The following FGFR2 variants were observed in gnomAD, a reference collection of about 807,000 sequenced individuals.
FGFR2 encodes the protein fibroblast growth factor receptor 2.
In FGFR2, 19 loss-of-function variants were observed where a neutral mutation model predicts 95.9. That is an observed-to-expected ratio of 0.20 (90% CI 0.14 to 0.29). The LOEUF (loss-of-function observed/expected upper bound fraction) is 0.29, where lower values mean the gene tolerates loss of function less well. FGFR2 is among the 10% of genes least tolerant of loss of function. The pLI is 1.00. For synonymous variants in FGFR2, 392 were observed against 393.3 expected, an observed-to-expected ratio of 1.00 and a Z score of 0.04; for missense variants, 707 against 1,056.9, an observed-to-expected ratio of 0.67 and a Z score of 4.59.
intron 6 of FGFR2, among the ~76,000 whole-genome samples, chr10:121,529,297 A>G (rs1367964724): frequency 1.3e-5 from 2 of 151,922 alleles, no homozygotes; most frequent in Non-Finnish European, 1.5e-5. Context: ...TTTAGTAGAG[A>G]TGGGTTTTTA....
chr10:121,597,880 G>A, intron 1 of FGFR2, 82 bp downstream of exon 1: 1 of 386,270 alleles, frequency 2.6e-6, no homozygotes, highest in Non-Finnish European at 4.6e-6. Flanking sequence ...CCCGGAGGAC[G>A]GTGCACCCGG....
At chr10:121,546,084 G>T (rs573696336) in intron 5 of FGFR2, among the ~76,000 whole-genome samples, 102 of 151,264 alleles carry the variant, frequency 6.7e-4, no homozygotes, top group Admixed American at 1.6e-3. Context: ...AATTGAGGTG[G>T]TCTATTAATT....
At position 121,551,450 on chromosome 10, in the gene FGFR2, T is replaced by C. The variant is rs1429393695; in HGVS notation, c.464A>G (p.Tyr155Cys). ...TTCCATCTTTTCTGTGTTGGTCCAG[T>C]ATGGTGCTCCTGTTTTGGAAAACAG... ...SENSNNKRAPYWTNTEKMEKR... is the reference protein window; with the variant it reads ...SENSNNKRAPCWTNTEKMEKR... The change falls in exon 5 of 18, where the codon TAC becomes TGC. Residue 155 changes from tyrosine (Y) to cysteine (C), a missense_variant. Transcript: ENST00000358487. 6.2e-7 allele frequency: 1 copy of C among 1,614,068 alleles called. No individual in the cohort carries two copies. The highest frequency in any genetic ancestry group is 1.7e-5 in the Admixed American group (1 of 60,006).
At chr10:121,516,900 T>C (rs979811864) in intron 8 of FGFR2, among the ~76,000 whole-genome samples, 5 of 152,214 alleles carry the variant, frequency 3.3e-5, no homozygotes, top group South Asian at 4.1e-4. Flanking sequence ...TCCCTCTATT[T>C]ACATCTCGTT....
chr10:121,482,764 G>A (rs1172976734), intron 17 of FGFR2, among the ~76,000 whole-genome samples: 1 of 152,204 alleles, frequency 6.6e-6, no homozygotes, highest in Non-Finnish European at 1.5e-5. Flanking sequence ...GTGAGTGACA[G>A]ACGAGTGTTT....
chr10:121,552,404 T>G (rs1488720878), intron 4 of FGFR2, among the ~76,000 whole-genome samples: 1 of 152,208 alleles, frequency 6.6e-6, no homozygotes, highest in East Asian at 1.9e-4. Context: ...GTCAACACAT[T>G]AATCTTCACA....
rs760033024 is a variant in FGFR2, at chr10:121,483,693, C to G, written c.2301+5G>C. On this transcript the variant is annotated splice_donor_5th_base_variant and intron_variant, in intron 17 of 17. Transcript: ENST00000358487. Reference sequence around the variant, plus strand: ...GACAAGGGGCTTCTAGAAGGAAGTTCTTACCTCATTGGTTGTGAGAGTGAG... The same window carrying G: ...GACAAGGGGCTTCTAGAAGGAAGTTGTTACCTCATTGGTTGTGAGAGTGAG... The G allele has an allele frequency of 2.5e-6, 4 of 1,610,724 alleles. No homozygotes were observed. Among genetic ancestry groups the G allele is most frequent in the South Asian group, 2.2e-5 (2 of 90,648 alleles).
At chr10:121,505,920 T>C (rs922254421) in intron 9 of FGFR2, among the ~76,000 whole-genome samples, 2 of 152,158 alleles carry the variant, frequency 1.3e-5, no homozygotes, top group African/African-American at 2.4e-5. Context: ...GGCCGTGTGC[T>C]GTGGATGCTT....
chr10:121,482,969 G>A (rs1844948971), intron 17 of FGFR2, among the ~76,000 whole-genome samples: 1 of 152,074 alleles, frequency 6.6e-6, no homozygotes, highest in Non-Finnish European at 1.5e-5. Context: ...ACTAATTTTT[G>A]TATTTTTAGT....
rs2133792619 is a variant in FGFR2 at position 121,485,376 on chromosome 10, G to A, written c.2195+19C>T. Reference sequence around the variant, plus strand: ...GGCAAGTCCACTGGGGCACCGGCAGGAAAGACAACAGCCCTTACAGTTCGT... The same window carrying A: ...GGCAAGTCCACTGGGGCACCGGCAGAAAAGACAACAGCCCTTACAGTTCGT... On this transcript the variant is annotated intron_variant, in intron 16 of 17. Coordinates refer to ENST00000358487, the MANE Select transcript of FGFR2 (RefSeq NM_000141.5). The surrounding 1 kb of genome is among the most constrained non-coding windows in gnomAD (Gnocchi z 4.2). The A allele has an allele frequency of 6.2e-6, 10 of 1,614,038 alleles. No individual in the cohort carries two copies. The highest frequency in any genetic ancestry group is 5.9e-6 in the Non-Finnish European group (7 of 1,180,006).
intron 10 of FGFR2, among the ~76,000 whole-genome samples, chr10:121,502,019 T>G (rs1010013034): frequency 6.6e-6 from 1 of 152,326 alleles, no homozygotes; most frequent in Middle Eastern, 3.4e-3. Context: ...AAACACTGTT[T>G]TGAAATGTTT....
At chr10:121,597,880 G>T in intron 1 of FGFR2, 82 bp downstream of exon 1, 2 of 386,270 alleles carry the variant, frequency 5.2e-6, no homozygotes, top group Admixed American at 4.5e-5. Context: ...CCCGGAGGAC[G>T]GTGCACCCGG....
At chr10:121,530,732 T>G (rs775290340) in intron 6 of FGFR2, among the ~76,000 whole-genome samples, 12 of 152,224 alleles carry the variant, frequency 7.9e-5, no homozygotes, top group Non-Finnish European at 1.3e-4. Context: ...GAATTTGCAA[T>G]GTTAAGAACC....
intron 2 of FGFR2, among the ~76,000 whole-genome samples, chr10:121,587,933 A>T (rs1475995734): frequency 2.6e-5 from 4 of 152,224 alleles, no homozygotes; most frequent in African/African-American, 9.6e-5. Context: ...CCATAAAGAC[A>T]CATGCACACA....
At position 121,518,836 on chromosome 10, in the gene FGFR2, C is replaced by T. The variant is rs1242043784; in HGVS notation, c.939+1143G>A. The T allele has an allele frequency of 1.2e-6, 2 of 1,614,004 alleles. No homozygotes were observed. The highest frequency in any genetic ancestry group is 1.7e-5 in the Admixed American group (1 of 60,016). On this transcript the variant is annotated intron_variant, in intron 7 of 17. Transcript: ENST00000358487. This position sits in a 1 kb window ranked among gnomAD's most constrained non-coding sequence, Gnocchi z 4.0. ...AACTATTTATCCCCGAGTGCTAGAA[C>T]AGACACAGGAGAACAATATAACGGC... is the stretch of plus-strand genomic sequence containing the variant.
chr10:121,553,389 G>C (rs144632828), intron 4 of FGFR2, among the ~76,000 whole-genome samples: 103 of 152,260 alleles, frequency 6.8e-4, no homozygotes, highest in African/African-American at 2.3e-3. Context: ...GTTCACCAGG[G>C]AGTACTTGAT....
At chr10:121,488,393 T>C (rs1312153082) in intron 13 of FGFR2, among the ~76,000 whole-genome samples, 2 of 151,832 alleles carry the variant, frequency 1.3e-5, no homozygotes, top group East Asian at 3.9e-4. Context: ...CTACAAAAAT[T>C]AGCCGAGCGT....
At chr10:121,581,941 T>TTAA (rs1554861670) in intron 2 of FGFR2, among the ~76,000 whole-genome samples, 85 of 148,918 alleles carry the variant, frequency 5.7e-4, no homozygotes, top group African/African-American at 1.7e-3. Flanking sequence ...TGATTTTTTT[T>TTAA]TTTATTTTTG....
At chr10:121,583,613 T>C (rs1861292165) in intron 2 of FGFR2, 1 of 153,450 alleles carries the variant, frequency 6.5e-6, no homozygotes, top group East Asian at 1.9e-4. Context: ...AACATTTTTA[T>C]TGTCTGGAAT....
Sources: allele counts gnomAD v4.1 joint callset (sites outside exome capture counted in the v4.1 genomes callset), GRCh38; gene constraint gnomAD v4.1.1; non-coding constraint Gnocchi (gnomAD v3.1); transcripts MANE v1.5; gene names NCBI Gene and HGNC (gene_info 2026-07-23, HGNC 2026-07-21).